LRP1B: variants seen among roughly 807,000 people sequenced by gnomAD.
The protein encoded by LRP1B is low-density lipoprotein receptor-related protein 1B.
Under a neutral mutation model 556.6 loss-of-function variants are expected in LRP1B, and 217 were observed. The ratio of observed to expected loss-of-function variants is 0.39; its 90% CI spans 0.35 to 0.44. LRP1B has a LOEUF of 0.44. LRP1B is among the 20% of genes least tolerant of loss of function. LRP1B has a pLI of 1.00. For missense variants in LRP1B, 5,053 were observed against 5,620.8 expected (o/e 0.90, Z 3.23); for synonymous variants, 2,047 against 1,865.8 (o/e 1.10, Z -2.50).
At chr2:140,377,765 A>T (rs527753507) in intron 68 of LRP1B, among the ~76,000 whole-genome samples, 1 of 152,346 alleles carries the variant, frequency 6.6e-6, no homozygotes, top group East Asian at 1.9e-4. Context: ...GATGACCCAC[A>T]TCGATGTCTG....
intron 66 of LRP1B, among the ~76,000 whole-genome samples, chr2:140,402,136 G>T (rs1349109307): frequency 6.6e-6 from 1 of 152,132 alleles, no homozygotes; most frequent in Non-Finnish European, 1.5e-5. Context: ...CTGTAGCCTG[G>T]CTCTCAGAAA....
chr2:141,869,324 G>A (rs1406892971), intron 1 of LRP1B, among the ~76,000 whole-genome samples: 1 of 151,918 alleles, frequency 6.6e-6, no homozygotes, highest in African/African-American at 2.4e-5. Context: ...TACTACATTG[G>A]ATGGTACAGT....
chr2:141,728,082 G>T (rs1287796335), intron 2 of LRP1B, among the ~76,000 whole-genome samples: 1 of 152,100 alleles, frequency 6.6e-6, no homozygotes, highest in African/African-American at 2.4e-5. Context: ...TTTTCATGAG[G>T]TGTAACAGCT....
chr2:140,700,506 AG>A lies in LRP1B; in HGVS notation c.6542del (p.Thr2181IlefsTer3), dbSNP rs1559063205. On this transcript the variant is annotated frameshift_variant, in exon 41 of 91. Transcript: ENST00000389484. LOFTEE classifies it high-confidence loss of function. Reference protein sequence around the residue: ...AHGYLAEDGVTCLRHEGYLLY... With the variant: ...AHGYLAEDGVXCLRHEGYLLY... Reference sequence around the variant, plus strand: ...GTAAATAGCCTTCATGCCTCAGGCAAGTAACTCCATCTTCTGCCAAATATCC... The same window carrying A: ...GTAAATAGCCTTCATGCCTCAGGCAATAACTCCATCTTCTGCCAAATATCC... 6.2e-7 allele frequency: 1 copy of A among 1,613,596 alleles called. No individual in the cohort carries two copies. Among genetic ancestry groups the A allele is most frequent in the African/African-American group, 1.3e-5 (1 of 74,998 alleles).
intron 2 of LRP1B, among the ~76,000 whole-genome samples, chr2:141,507,175 A>C (rs1683962424): frequency 6.6e-6 from 1 of 152,192 alleles, no homozygotes; most frequent in African/African-American, 2.4e-5. Flanking sequence ...AATGTTTAAC[A>C]ATGAATTTTG....
chr2:140,297,142 A>G (rs548813670), intron 84 of LRP1B, among the ~76,000 whole-genome samples: 1 of 152,276 alleles, frequency 6.6e-6, no homozygotes, highest in African/African-American at 2.4e-5. Context: ...CCTAGTAACA[A>G]GAAGAAAGAC....
chr2:140,310,524 A>G (rs1379166402), intron 83 of LRP1B, among the ~76,000 whole-genome samples: 2 of 151,856 alleles, frequency 1.3e-5, no homozygotes, highest in Non-Finnish European at 2.9e-5. Context: ...TAACCAAAAG[A>G]GCATGGTTCT....
At chr2:141,757,707 A>AC (rs1694373092) in intron 2 of LRP1B, among the ~76,000 whole-genome samples, 1 of 151,202 alleles carries the variant, frequency 6.6e-6, no homozygotes, top group African/African-American at 2.4e-5. Flanking sequence ...CTAATTTTTA[A>AC]TTTTTTTTTA....
chr2:140,524,363 A>G (rs1690327288), intron 49 of LRP1B, among the ~76,000 whole-genome samples: 1 of 151,940 alleles, frequency 6.6e-6, no homozygotes, highest in African/African-American at 2.4e-5. Context: ...ACACTTATAC[A>G]CTGTTGATCG....
chr2:140,375,917 G>A (rs995324123), intron 68 of LRP1B, among the ~76,000 whole-genome samples: 1 of 151,640 alleles, frequency 6.6e-6, no homozygotes, highest in African/African-American at 2.4e-5. Context: ...CATATTATCA[G>A]TTCCATTCAT....
At chr2:140,300,181 T>G (rs893952272) in intron 83 of LRP1B, among the ~76,000 whole-genome samples, 1 of 152,172 alleles carries the variant, frequency 6.6e-6, no homozygotes, top group African/African-American at 2.4e-5. Context: ...CTGAATTATT[T>G]TAAAAGTTCT....
intron 2 of LRP1B, among the ~76,000 whole-genome samples, chr2:141,610,337 T>C (rs893817065): frequency 2.6e-5 from 4 of 151,544 alleles, no homozygotes; most frequent in African/African-American, 9.7e-5. Flanking sequence ...ATAATAATAA[T>C]AATAATAAAA....
Position 141,258,214 on chromosome 2 carries a change from G to C in LRP1B, c.344-3573C>G, listed in dbSNP as rs1459892200. On this transcript the variant is annotated intron_variant, in intron 3 of 90. Transcript: ENST00000389484. ...GAAGAGAGAAGCTGTCGCTGGAAGT[G>C]GTGGCTCACACTTATAATCCTAGCA... is the stretch of plus-strand genomic sequence containing the variant. 2.0e-5 allele frequency among the ~76,000 whole-genome samples: 3 copies of C among 152,266 alleles called. No individual in the cohort carries two copies. In the East Asian group the frequency reaches 5.8e-4, roughly 29 times the overall value.
intron 41 of LRP1B, 63 bp from the exon 42 acceptor site, chr2:140,601,702 GA>G: frequency 8.3e-7 from 1 of 1,202,294 alleles, no homozygotes; most frequent in Non-Finnish European, 1.1e-6. Context: ...CTTCTGGACA[GA>G]AAAAGCATTT....
At chr2:141,997,648 CAT>C (rs138886100) in intron 1 of LRP1B, among the ~76,000 whole-genome samples, 2,787 of 139,124 alleles carry the variant, frequency 0.02, 89 homozygotes, top group African/African-American at 0.068. Context: ...GCACCCAGCC[CAT>C]ATATATATAT....
In LRP1B at chr2:141,124,202, T is replaced by TAA. The variant is rs781045942; in HGVS notation, c.1014-61930_1014-61929insTT. On this transcript the variant is annotated intron_variant, in intron 7 of 90. Transcript: ENST00000389484. Reference sequence around the variant, plus strand: ...GCCCAGAATTGATAGTGAAATAAAGTAGGTGATCTCACCAAATTTAGGAAA... The same window carrying TAA: ...GCCCAGAATTGATAGTGAAATAAAGTAAAGGTGATCTCACCAAATTTAGGAAA... Among the ~76,000 whole-genome samples the TAA allele has an allele frequency of 5.5e-4, 84 of 152,242 alleles. 2 individuals are homozygous for TAA. The South Asian group carries it at 0.01, about 19-fold the overall frequency.
intron 66 of LRP1B, among the ~76,000 whole-genome samples, chr2:140,422,098 C>A (rs2105267396): frequency 6.6e-6 from 1 of 152,306 alleles, no homozygotes; most frequent in East Asian, 1.9e-4. Context: ...CTTTTCTTCA[C>A]TCCTCAAATA....
chr2:141,319,307 G>GTTTTTTTTTTTTTTTTTTTT (rs1370500448), intron 3 of LRP1B, among the ~76,000 whole-genome samples: 2 of 88,786 alleles, frequency 2.3e-5, no homozygotes, highest in African/African-American at 9.6e-5. Context: ...GTGTTTTTTT[G>GTTTTTTTTTTTTTTTTTTTT]TTGTTTTTTT....
chr2:142,010,554 C>CAAAAAAAAAA (rs33927334), intron 1 of LRP1B, among the ~76,000 whole-genome samples: 2 of 60,236 alleles, frequency 3.3e-5, no homozygotes, highest in South Asian at 8.8e-4. Context: ...GATTCTGTCT[C>CAAAAAAAAAA]AAAAAAAAAA....
Sources: allele counts gnomAD v4.1 joint callset (sites outside exome capture counted in the v4.1 genomes callset), GRCh38; gene constraint gnomAD v4.1.1; transcripts MANE v1.5; gene names NCBI Gene and HGNC (gene_info 2026-07-23, HGNC 2026-07-21).